Variants in KCNN3 observed in about 807,000 individuals in gnomAD.
The protein encoded by KCNN3 is small conductance calcium-activated potassium channel protein 3.
Under a neutral mutation model 62.9 loss-of-function variants are expected in KCNN3, and 16 were observed. That is an observed-to-expected ratio of 0.25 (90% CI 0.17 to 0.39). The LOEUF is 0.39. Among genes scored for constraint, KCNN3 ranks in the 10% least tolerant of loss-of-function variants. The pLI is 1.00. For synonymous variants in KCNN3, 370 were observed against 389.2 expected (o/e 0.95, Z 0.58); for missense variants, 599 against 949.4 (o/e 0.63, Z 4.85).
At chr1:154,771,074 A>G (rs933616146) in intron 3 of KCNN3, among the ~76,000 whole-genome samples, 3,901 of 106,914 alleles carry the variant, frequency 0.036, 184 homozygotes, top group African/African-American at 0.1. Flanking sequence ...TAAATAAATA[A>G]ATAAATAAAT....
intron 7 of KCNN3, among the ~76,000 whole-genome samples, chr1:154,708,511 C>T (rs1406416757): frequency 6.6e-6 from 1 of 151,522 alleles, no homozygotes; most frequent in Non-Finnish European, 1.5e-5. Flanking sequence ...AGAAAATATG[C>T]ACCAAGGGGA....
At chr1:154,758,894 A>T (rs12123405) in intron 3 of KCNN3, among the ~76,000 whole-genome samples, 48,772 of 150,340 alleles carry the variant, frequency 0.32, 8,168 homozygotes, top group Middle Eastern at 0.45. Context: ...TGCATCCTCC[A>T]CCTCCTGAGT....
rs542618441 is a variant in KCNN3, at chr1:154,862,594, C to T, written c.933+6438G>A. Among the ~76,000 whole-genome samples the T allele has an allele frequency of 6.6e-6, 1 of 152,192 alleles. No homozygotes were observed. Among genetic ancestry groups the T allele is most frequent in the Admixed American group, 6.5e-5 (1 of 15,302 alleles). On this transcript the variant is annotated intron_variant, in intron 1 of 7. Coordinates refer to ENST00000271915, the MANE Select transcript of KCNN3 (RefSeq NM_002249.6). The surrounding 1 kb of genome is among the most constrained non-coding windows in gnomAD (Gnocchi z 4.1). ...CCCTGTATTCTCCACACCTACCCTCCTCACAACCTGCCCGGTATCACCCTG... is the reference window on the plus strand; with the variant it reads ...CCCTGTATTCTCCACACCTACCCTCTTCACAACCTGCCCGGTATCACCCTG...
chr1:154,794,941 T>C (rs1649666001), intron 2 of KCNN3, among the ~76,000 whole-genome samples: 1 of 152,182 alleles, frequency 6.6e-6, no homozygotes, highest in East Asian at 1.9e-4. Context: ...TTTCATCCAA[T>C]CCCTGAGGAT....
intron 2 of KCNN3, among the ~76,000 whole-genome samples, chr1:154,792,988 T>C (rs1265034931): frequency 6.6e-6 from 1 of 152,154 alleles, no homozygotes; most frequent in Admixed American, 6.5e-5. Flanking sequence ...GGGAGTTCCT[T>C]TAGTTGTGGT....
chr1:154,768,839 G>A (rs1191690021), intron 3 of KCNN3, among the ~76,000 whole-genome samples: 2 of 152,154 alleles, frequency 1.3e-5, no homozygotes, highest in Non-Finnish European at 2.9e-5. Flanking sequence ...AAGACCATAG[G>A]CAGCAGAGGC....
chr1:154,856,866 G>T (rs1299341355), intron 1 of KCNN3, among the ~76,000 whole-genome samples: 1 of 152,188 alleles, frequency 6.6e-6, no homozygotes, highest in Non-Finnish European at 1.5e-5. Context: ...AAGAATCAGA[G>T]GATGGCCTGG....
At chr1:154,756,348 G>C (rs1352177020) in intron 3 of KCNN3, among the ~76,000 whole-genome samples, 1 of 152,092 alleles carries the variant, frequency 6.6e-6, no homozygotes, top group East Asian at 1.9e-4. Flanking sequence ...GGAGGAAGAA[G>C]AAGAAACAAC....
rs1699995853 is a variant in KCNN3 at position 154,707,948 on chromosome 1, G to A, written c.*28C>T. 6.2e-7 allele frequency: 1 copy of A among 1,608,986 alleles called. No individual in the cohort carries two copies. The highest frequency in any genetic ancestry group is 2.2e-5 in the East Asian group (1 of 44,842). On this transcript the variant is annotated 3_prime_UTR_variant, in exon 8 of 8. Transcript: ENST00000271915. Reference sequence around the variant, plus strand: ...TTGATTTGCATCTTAAGACCTATGGGTAATGCTTCTGGAGTGGGGAGATTT... The same window carrying A: ...TTGATTTGCATCTTAAGACCTATGGATAATGCTTCTGGAGTGGGGAGATTT...
chr1:154,837,862 G>A (rs1036685721), intron 1 of KCNN3, among the ~76,000 whole-genome samples: 6 of 152,232 alleles, frequency 3.9e-5, no homozygotes, highest in African/African-American at 1.4e-4. Context: ...GGCCCAAGGG[G>A]GTGAACTGTC....
In KCNN3 at chr1:154,760,766, T is replaced by A. The variant is rs1382135749; in HGVS notation, c.1448+11209A>T. On this transcript the variant is annotated intron_variant, in intron 3 of 7. Transcript: ENST00000271915. The stretch of plus-strand genomic sequence containing the variant: ...CAGTGGCGCCTGCCTCGATCACACG[T>A]CCCCTGTGGAGCTCCACCTGCCCGC... Among the ~76,000 whole-genome samples, 3 of 152,170 alleles carry A rather than the reference T, an allele frequency of 2.0e-5. No homozygotes were observed. In the East Asian group the frequency reaches 5.8e-4, roughly 30 times the overall value.
chr1:154,822,386 G>T (rs1650939906), intron 1 of KCNN3, among the ~76,000 whole-genome samples: 3 of 152,220 alleles, frequency 2.0e-5, no homozygotes, highest in Admixed American at 1.3e-4. Context: ...CTCAGCAGCT[G>T]CCCCCTTTGA....
At chr1:154,814,071 G>A (rs549824507) in intron 2 of KCNN3, among the ~76,000 whole-genome samples, 2 of 152,358 alleles carry the variant, frequency 1.3e-5, no homozygotes, top group South Asian at 4.1e-4. Context: ...CTCCCAGAGA[G>A]TGGCAGGGAG....
intron 2 of KCNN3, among the ~76,000 whole-genome samples, chr1:154,774,001 T>C (rs1020213375): frequency 6.6e-6 from 1 of 152,188 alleles, no homozygotes. Flanking sequence ...ATCCTAACAC[T>C]ACTGGCTCCA....
At chr1:154,843,309 TAGACAA>T (rs1289774688) in intron 1 of KCNN3, among the ~76,000 whole-genome samples, 1 of 152,034 alleles carries the variant, frequency 6.6e-6, no homozygotes, top group East Asian at 1.9e-4. Context: ...ATCCAGGTTC[TAGACAA>T]AAAAGCCAGC....
intron 2 of KCNN3, among the ~76,000 whole-genome samples, chr1:154,821,589 G>T (rs534703544): frequency 3.9e-5 from 6 of 152,172 alleles, no homozygotes; most frequent in African/African-American, 1.4e-4. Context: ...TCTAGAAAAT[G>T]ACACCCCCAG....
intron 3 of KCNN3, among the ~76,000 whole-genome samples, chr1:154,734,872 C>T (rs1220049683): frequency 6.6e-6 from 1 of 152,178 alleles, no homozygotes; most frequent in African/African-American, 2.4e-5. Context: ...AAGCAAAGCC[C>T]ATGCTCCTTT....
Position 154,852,369 on chromosome 1 carries a change from A to AT in KCNN3, c.933+16662dup, listed in dbSNP as rs34939586. On this transcript the variant is annotated intron_variant, in intron 1 of 7. Coordinates refer to ENST00000271915, the MANE Select transcript of KCNN3 (RefSeq NM_002249.6). Reference sequence around the variant, plus strand: ...CAGGCATATGCCACACACCCAGCTAATTTTTTTTTTTTTTTTTTTTAGAGA... The same window carrying AT: ...CAGGCATATGCCACACACCCAGCTAATTTTTTTTTTTTTTTTTTTTTAGAGA... Among the ~76,000 whole-genome samples, 706 of 136,546 alleles carry AT rather than the reference A, an allele frequency of 5.2e-3. 1 individual carries two copies. Among genetic ancestry groups the AT allele is most frequent in the Middle Eastern group, 7.6e-3 (2 of 264 alleles). The allele number at this position is 136,546 out of a possible 152,430, so 89.6% of individuals were successfully genotyped here.
chr1:154,730,833 C>T (rs180709978), intron 4 of KCNN3, among the ~76,000 whole-genome samples: 121 of 152,286 alleles, frequency 7.9e-4, no homozygotes, highest in Admixed American at 2.0e-3. Flanking sequence ...GGGAACAGAA[C>T]GCTCTCTCTG....
Sources: gnomAD v4.1 joint callset for allele counts (sites outside exome capture counted in the v4.1 genomes callset) on GRCh38, gnomAD v4.1.1 for gene constraint, Gnocchi (gnomAD v3.1) non-coding constraint, MANE v1.5 for transcripts, NCBI Gene and HGNC (gene_info 2026-07-23, HGNC 2026-07-21) for gene names.